The following GPC5 variants were observed in gnomAD, a reference collection of about 807,000 sequenced individuals.
GPC5 encodes glypican-5.
GPC5 carries 47 observed loss-of-function variants against 53.9 expected under a neutral mutation model. The ratio of observed to expected loss-of-function variants is 0.87; its 90% CI spans 0.69 to 1.11. The LOEUF is 1.11. GPC5 is among the 50% of genes most tolerant of loss of function. GPC5 has a pLI of 0.00. For synonymous variants in GPC5, 286 were observed against 263.3 expected, an observed-to-expected ratio of 1.09 and a Z score of -0.84; for missense variants, 748 against 713.1, an observed-to-expected ratio of 1.05 and a Z score of -0.56.
At chr13:92,304,596 T>C (rs894386162) in intron 7 of GPC5, among the ~76,000 whole-genome samples, 1 of 152,164 alleles carries the variant, frequency 6.6e-6, no homozygotes, top group Non-Finnish European at 1.5e-5. Context: ...TAGTTATTGC[T>C]TATTGTGAAG....
intron 6 of GPC5, among the ~76,000 whole-genome samples, chr13:91,956,414 A>ACTG (rs1345550415): frequency 6.6e-6 from 1 of 152,114 alleles, no homozygotes. Flanking sequence ...TTTTCCTGCC[A>ACTG]CTGCTGCTGC....
chr13:92,046,951 T>G (rs2138832412), intron 6 of GPC5, among the ~76,000 whole-genome samples: 1 of 152,348 alleles, frequency 6.6e-6, no homozygotes, highest in Admixed American at 6.5e-5. Flanking sequence ...TTACAAGTAA[T>G]ATTCAAAAGC....
chr13:91,457,946 C>T (rs1012978072), intron 2 of GPC5, among the ~76,000 whole-genome samples: 6 of 152,082 alleles, frequency 3.9e-5, no homozygotes, highest in African/African-American at 1.2e-4. Context: ...TTGATAGTTC[C>T]CATTTCAGCC....
intron 7 of GPC5, among the ~76,000 whole-genome samples, chr13:92,587,234 A>C (rs1883565833): frequency 6.6e-6 from 1 of 152,212 alleles, no homozygotes; most frequent in South Asian, 2.1e-4. Flanking sequence ...TATATAAAGA[A>C]CTAAAATATA....
chr13:91,722,542 T>G (rs1292967534), intron 3 of GPC5, among the ~76,000 whole-genome samples: 1 of 152,210 alleles, frequency 6.6e-6, no homozygotes, highest in African/African-American at 2.4e-5. Flanking sequence ...GGAATCAAGA[T>G]TCTTTTCACA....
intron 2 of GPC5, among the ~76,000 whole-genome samples, chr13:91,516,898 C>T (rs1885534647): frequency 6.6e-6 from 1 of 152,202 alleles, no homozygotes; most frequent in African/African-American, 2.4e-5. Flanking sequence ...GGCTTCCACC[C>T]TCTAAAGCCA....
intron 6 of GPC5, among the ~76,000 whole-genome samples, chr13:92,013,209 T>C (rs2040677566): frequency 6.6e-6 from 1 of 152,188 alleles, no homozygotes; most frequent in Admixed American, 6.5e-5. Context: ...CCAAAAAGAA[T>C]GAGGTTGATC....
chr13:92,227,179 T>C (rs2042493389), intron 7 of GPC5, among the ~76,000 whole-genome samples: 1 of 152,020 alleles, frequency 6.6e-6, no homozygotes, highest in South Asian at 2.1e-4. Context: ...AATACCAAAG[T>C]GGAGGGTGAA....
At chr13:92,720,613 T>G (rs1888480878) in intron 7 of GPC5, among the ~76,000 whole-genome samples, 2 of 152,238 alleles carry the variant, frequency 1.3e-5, no homozygotes, top group African/African-American at 2.4e-5. Flanking sequence ...AAAATTGATG[T>G]TACATAACGT....
chr13:92,267,281 A>G (rs9516025), intron 7 of GPC5, among the ~76,000 whole-genome samples: 52,485 of 151,716 alleles, frequency 0.35, 9,736 homozygotes, highest in African/African-American at 0.48. Flanking sequence ...TAGATTATAT[A>G]CTCTTTATTA....
intron 7 of GPC5, among the ~76,000 whole-genome samples, chr13:92,693,787 A>G (rs1887480801): frequency 1.3e-5 from 2 of 152,186 alleles, no homozygotes; most frequent in South Asian, 4.1e-4. Context: ...GAGAAATTCA[A>G]TCCACCTGCA....
intron 5 of GPC5, among the ~76,000 whole-genome samples, chr13:91,792,804 TGCATGTGGTTGCTACATTTTATACA>T (rs1321375236): frequency 2.6e-5 from 4 of 152,206 alleles, no homozygotes. Context: ...CTGTATAAAA[TGCATGTGGTTGCTACATTTTATACA>T]GCATGTGGTT....
chr13:92,509,126 G>T (rs963062660), intron 7 of GPC5, among the ~76,000 whole-genome samples: 1 of 152,176 alleles, frequency 6.6e-6, no homozygotes, highest in African/African-American at 2.4e-5. Flanking sequence ...AGAATAGTTT[G>T]ATGTGAAGAA....
intron 6 of GPC5, among the ~76,000 whole-genome samples, chr13:91,957,370 G>A (rs1355543407): frequency 6.6e-6 from 1 of 152,058 alleles, no homozygotes; most frequent in Non-Finnish European, 1.5e-5. Flanking sequence ...TATCCCAGGA[G>A]GTGAAGACAA....
At chr13:92,362,469 A>C (rs771261013) in intron 7 of GPC5, among the ~76,000 whole-genome samples, 8 of 151,932 alleles carry the variant, frequency 5.3e-5, no homozygotes, top group Non-Finnish European at 1.2e-4. Context: ...AGGGAGGCAA[A>C]CATGTTTGAA....
At chr13:92,616,124 A>G (rs966794978) in intron 7 of GPC5, among the ~76,000 whole-genome samples, 33 of 152,220 alleles carry the variant, frequency 2.2e-4, no homozygotes, top group Non-Finnish European at 4.3e-4. Context: ...AAGCATGTAA[A>G]GCAAATGAAA....
chr13:92,262,153 A>C (rs961663841), intron 7 of GPC5, among the ~76,000 whole-genome samples: 2 of 152,172 alleles, frequency 1.3e-5, no homozygotes, highest in Non-Finnish European at 2.9e-5. Flanking sequence ...ACTTCTCTGC[A>C]GGTCCTTGTA....
chr13:92,189,210 T>C (rs1042585274), intron 7 of GPC5, among the ~76,000 whole-genome samples: 41 of 152,182 alleles, frequency 2.7e-4, no homozygotes, highest in Non-Finnish European at 2.6e-4. Flanking sequence ...TTTAAAAATA[T>C]GTCAGAACTT....
At chr13:91,696,859 A>G (rs1304037857) in intron 3 of GPC5, among the ~76,000 whole-genome samples, 1 of 152,250 alleles carries the variant, frequency 6.6e-6, no homozygotes, top group Non-Finnish European at 1.5e-5. Flanking sequence ...TTAATAAAGA[A>G]GAGAGGTAAC....
Sources: allele counts gnomAD v4.1 joint callset (sites outside exome capture counted in the v4.1 genomes callset), GRCh38; gene constraint gnomAD v4.1.1; transcripts MANE v1.5; gene names NCBI Gene and HGNC (gene_info 2026-07-23, HGNC 2026-07-21).